ZNF616: variants seen among roughly 807,000 people sequenced by gnomAD.
ZNF616 encodes the protein zinc finger protein 616.
ZNF616 carries 5 observed loss-of-function variants against 7.6 expected under a neutral mutation model. The observed-to-expected ratio is 0.66, with a 90% CI of 0.34 to 1.38. The LOEUF is 1.38. Ranked by LOEUF, ZNF616 falls within the 40% of genes most tolerant of loss-of-function variation. The pLI is 0.04. For missense variants in ZNF616, 913 were observed against 948.3 expected (o/e 0.96, Z 0.49); for synonymous variants, 319 against 317.2 (o/e 1.01, Z -0.06).
intron 1 of ZNF616, among the ~76,000 whole-genome samples, chr19:52,131,331 C>G (rs2088958851): frequency 6.6e-6 from 1 of 151,198 alleles, no homozygotes; most frequent in Non-Finnish European, 1.5e-5. Context: ...CTGGGCCCCA[C>G]CCTAACTACT....
At chr19:52,136,726 C>A (rs1420419550) in intron 1 of ZNF616, among the ~76,000 whole-genome samples, 1 of 152,056 alleles carries the variant, frequency 6.6e-6, no homozygotes, top group Non-Finnish European at 1.5e-5. Flanking sequence ...CCAGCAATCT[C>A]ATTTCTGGGT....
rs779548779 is a variant in ZNF616 at position 52,115,290 on chromosome 19, C to A, written c.1874G>T (p.Arg625Ile). 1 of 1,614,156 alleles carries A rather than the reference C, an allele frequency of 6.2e-7. No homozygotes were observed. The highest frequency in any genetic ancestry group is 8.5e-7 in the Non-Finnish European group (1 of 1,180,038). ...GTAAGGTTTCTCTCCGGTATGAATT[C>A]TCTGATGTCTATTGAGTGTGGAGCC... ...NQGSTLNRHQ[R>I]IHTGEKPYKC... Residue 625 changes from arginine to isoleucine, a missense_variant, in exon 4 of 4, where the codon AGA becomes ATA. By Grantham distance (97) the Arg-to-Ile change is moderately conservative (BLOSUM62 -3). Transcript: ENST00000600228.
chr19:52,138,767 T>C (rs2089034529), intron 1 of ZNF616: 2 of 152,580 alleles, frequency 1.3e-5, no homozygotes, highest in Admixed American at 6.6e-5. Flanking sequence ...ATCTCCTTTG[T>C]TCCCACTCTC....
Position 52,115,690 on chromosome 19 carries a change from G to T in ZNF616, c.1474C>A (p.Pro492Thr), listed in dbSNP as rs878961047. The T allele has an allele frequency of 6.2e-7, 1 of 1,613,838 alleles. No individual in the cohort carries two copies. The highest frequency in any genetic ancestry group is 8.5e-7 in the Non-Finnish European group (1 of 1,179,932). ...AHQRIHTGEK[P>T]YKCNECGKVF... ...TTGCCACATTCATTGCATTTGTAAG[G>T]TTTCTCTCCAGTATGAATTCTCTGA... The change falls in exon 4 of 4, where the codon CCT becomes ACT. Residue 492 changes from proline (P) to threonine (T), a missense_variant. Coordinates refer to ENST00000600228, the MANE Select transcript of ZNF616 (RefSeq NM_178523.5).
At position 52,115,914 on chromosome 19, in the gene ZNF616, A is replaced by G. The variant is rs758277307; in HGVS notation, c.1250T>C (p.Val417Ala). Residue 417 changes from valine to alanine, a missense_variant, in exon 4 of 4, where the codon GTC (valine) becomes GCC (alanine). Physicochemically the swap from Val to Ala is moderately conservative, Grantham distance 64. Coordinates refer to ENST00000600228, the MANE Select transcript of ZNF616 (RefSeq NM_178523.5). The stretch of plus-strand genomic sequence containing the variant: ...TGCAAGACTTGAACGTTTACTGAAG[A>G]CCTTGCCACATTCATTGCATTTGCA... ...KPCKCNECGK[V>A]FSKRSSLAVH... The G allele has an allele frequency of 3.7e-6, 6 of 1,614,120 alleles. No individual in the cohort carries two copies. The Admixed American group carries it at 1.0e-4, about 27-fold the overall frequency.
intron 1 of ZNF616, among the ~76,000 whole-genome samples, chr19:52,137,392 T>C (rs941751691): frequency 6.6e-6 from 1 of 151,872 alleles, no homozygotes; most frequent in Non-Finnish European, 1.5e-5. Context: ...CACTGCACTC[T>C]AGCCTGGGCG....
At chr19:52,133,972 A>G (rs2088985789) in intron 1 of ZNF616, among the ~76,000 whole-genome samples, 1 of 152,126 alleles carries the variant, frequency 6.6e-6, no homozygotes, top group South Asian at 2.1e-4. Context: ...GAGAATACGC[A>G]GTATTTGGTT....
At chr19:52,138,148 G>GA (rs927761005) in intron 1 of ZNF616, among the ~76,000 whole-genome samples, 1 of 151,990 alleles carries the variant, frequency 6.6e-6, no homozygotes, top group African/African-American at 2.4e-5. Context: ...CTCAAAAAGA[G>GA]AAAAAACAAA....
At chr19:52,118,094 C>T (rs1163130540) in intron 3 of ZNF616, among the ~76,000 whole-genome samples, 1 of 152,082 alleles carries the variant, frequency 6.6e-6, no homozygotes, top group Admixed American at 6.6e-5. Context: ...AGATGTTCAC[C>T]ACCACGCCCA....
At chr19:52,127,958 G>C (rs2088923865) in intron 2 of ZNF616, among the ~76,000 whole-genome samples, 1 of 152,138 alleles carries the variant, frequency 6.6e-6, no homozygotes, top group Non-Finnish European at 1.5e-5. Context: ...ACTGACTCTT[G>C]CCACAGAACT....
In ZNF616 at chr19:52,116,900, CCTGAAGTATAAATT is replaced by C; in HGVS notation, c.250_263del (p.Asn84GlyfsTer8). ...GGTCATGTAGATGTTTCTGTATTTC[CCTGAAGTATAAATT>C]TTCAATATCATAGCTTTGATGTCTT... On this transcript the variant is annotated frameshift_variant, in exon 4 of 4. Transcript: ENST00000600228. LOFTEE classifies it low-confidence loss of function (END_TRUNC). 1.2e-6 allele frequency: 2 copies of C among 1,613,802 alleles called. No individual in the cohort carries two copies. Among genetic ancestry groups the C allele is most frequent in the Non-Finnish European group, 8.5e-7 (1 of 1,179,952 alleles).
rs2122139993 is a variant in ZNF616 at position 52,115,931 on chromosome 19, G to A, written c.1233C>T (p.Cys411=). 6.2e-7 allele frequency: 1 copy of A among 1,613,930 alleles called. No homozygotes were observed. Among genetic ancestry groups the A allele is most frequent in the Non-Finnish European group, 8.5e-7 (1 of 1,179,972 alleles). ...TACTGAAGACCTTGCCACATTCATT[G>A]CATTTGCAAGGTTTCTCTACAGTGT... is the stretch of plus-strand genomic sequence containing the variant. ...RIHTVEKPCK[C]NECGKVFSKR... Residue 411 remains cysteine, a synonymous_variant, in exon 4 of 4, where the codon TGC becomes TGT. Coordinates refer to ENST00000600228, the MANE Select transcript of ZNF616 (RefSeq NM_178523.5).
intron 1 of ZNF616, among the ~76,000 whole-genome samples, chr19:52,131,622 G>A (rs1248539458): frequency 6.6e-6 from 1 of 152,200 alleles, no homozygotes; most frequent in Non-Finnish European, 1.5e-5. Context: ...AATGAAAGGA[G>A]TGTTCTGTGA....
At chr19:52,129,536 G>T (rs916944568) in intron 2 of ZNF616, among the ~76,000 whole-genome samples, 1 of 152,066 alleles carries the variant, frequency 6.6e-6, no homozygotes, top group South Asian at 2.1e-4. Flanking sequence ...ACAACTGCTG[G>T]TAAGAGTCCC....
At chr19:52,126,601 C>G (rs1482982675) in intron 2 of ZNF616, among the ~76,000 whole-genome samples, 1 of 151,936 alleles carries the variant, frequency 6.6e-6, no homozygotes, top group Admixed American at 6.6e-5. Context: ...AACCCCGTCT[C>G]TACTAAAAAT....
Position 52,114,696 on chromosome 19 carries a change from A to G in ZNF616, c.*122T>C. 1 of 1,183,520 alleles carries G rather than the reference A, an allele frequency of 8.4e-7. No homozygotes were observed. Among genetic ancestry groups the G allele is most frequent in the Non-Finnish European group, 1.2e-6 (1 of 855,744 alleles). 73.3% of individuals were successfully genotyped at this position (1,183,520 alleles called of 1,614,324 possible). ...CACTTCCATGATTCAATCACCTCCC[A>G]ATGGGCCCCACCTCCAATACTGGAG... On this transcript the variant is annotated 3_prime_UTR_variant, in exon 4 of 4. Coordinates refer to ENST00000600228, the MANE Select transcript of ZNF616 (RefSeq NM_178523.5).
chr19:52,130,707 G>C (rs961486204), intron 1 of ZNF616, 119 bp from the exon 2 acceptor site: 7 of 666,000 alleles, frequency 1.1e-5, no homozygotes, highest in Non-Finnish European at 1.5e-5. Context: ...CACCAGGGGG[G>C]ATGCAAGAAT....
At position 52,116,209 on chromosome 19, in the gene ZNF616, G is replaced by T; in HGVS notation, c.955C>A (p.His319Asn). The T allele has an allele frequency of 6.2e-7, 1 of 1,614,140 alleles. No individual in the cohort carries two copies. The highest frequency in any genetic ancestry group is 8.5e-7 in the Non-Finnish European group (1 of 1,180,022). Residue 319 changes from histidine (H) to asparagine (N), a missense_variant, in exon 4 of 4, where the codon CAT (histidine) becomes AAT (asparagine). His to Asn is a moderately conservative substitution (Grantham distance 68). Transcript: ENST00000600228. ...CATTTGAAGGGTCTCTCTCCAGTAT[G>T]AACTGTCTGATGAAGTCTAAGATGG... ...RVHLRLHQTV[H>N]TGERPFKCNE...
chr19:52,133,084 T>C (rs181879334), intron 1 of ZNF616, among the ~76,000 whole-genome samples: 1 of 152,298 alleles, frequency 6.6e-6, no homozygotes, highest in East Asian at 1.9e-4. Context: ...CTGGTGACTC[T>C]GAAAAATAAA....
Sources: gnomAD v4.1 joint callset for allele counts (sites outside exome capture counted in the v4.1 genomes callset) on GRCh38, gnomAD v4.1.1 for gene constraint, MANE v1.5 for transcripts, NCBI Gene and HGNC (gene_info 2026-07-23, HGNC 2026-07-21) for gene names.